DLGAP2: variants seen among roughly 807,000 people sequenced by gnomAD.
DLGAP2 encodes disks large-associated protein 2.
In DLGAP2, 26 loss-of-function variants were observed where a neutral mutation model predicts 100.3. That is an observed-to-expected ratio of 0.26 (90% CI 0.19 to 0.36). The LOEUF is 0.36. Among genes scored for constraint, DLGAP2 ranks in the 10% least tolerant of loss-of-function variants. DLGAP2 has a pLI of 1.00. For synonymous variants in DLGAP2, 886 were observed against 630.1 expected, an observed-to-expected ratio of 1.41 and a Z score of -6.08; for missense variants, 1,858 against 1,453.2, an observed-to-expected ratio of 1.28 and a Z score of -4.53.
At chr8:867,068 C>T (rs988986495) in intron 1 of DLGAP2, among the ~76,000 whole-genome samples, 2 of 152,216 alleles carry the variant, frequency 1.3e-5, no homozygotes, top group African/African-American at 4.8e-5. Flanking sequence ...CACCTGTCAG[C>T]TGTCTAACCC....
intron 2 of DLGAP2, among the ~76,000 whole-genome samples, chr8:971,393 G>A (rs1179847496): frequency 6.6e-6 from 1 of 152,164 alleles, no homozygotes; most frequent in East Asian, 1.9e-4. Flanking sequence ...AGATCCCTGG[G>A]TAAATTGAGG....
Position 1,678,359 on chromosome 8 carries a change from C to T in DLGAP2, c.2434C>T (p.Pro812Ser). 6.2e-7 allele frequency: 1 copy of T among 1,614,018 alleles called. No individual in the cohort carries two copies. The highest frequency in any genetic ancestry group is 2.2e-5 in the East Asian group (1 of 44,882). Residue 812 changes from proline (P) to serine (S), a missense_variant, in exon 12 of 15, where the codon CCC becomes TCC. Physicochemically the swap from Pro to Ser is moderately conservative, Grantham distance 74. Transcript: ENST00000637795. The stretch of plus-strand genomic sequence containing the variant: ...CCAGCGGCACTCCGAGCCCAGCACC[C>T]CCACCCAGTACAGCGCGGTGAGAAC... Reference protein sequence around the residue: ...SFQRHSEPSTPTQYSAVRTVR... With the variant: ...SFQRHSEPSTSTQYSAVRTVR...
At chr8:815,616 A>G (rs918175069) in intron 1 of DLGAP2, among the ~76,000 whole-genome samples, 33 of 152,360 alleles carry the variant, frequency 2.2e-4, no homozygotes, top group African/African-American at 7.9e-4. Context: ...CTTGGTAAAG[A>G]AAATATAAAT....
chr8:1,535,503 T>G (rs1186505795), intron 4 of DLGAP2, among the ~76,000 whole-genome samples: 1 of 152,214 alleles, frequency 6.6e-6, no homozygotes. Context: ...CAGATGGGCA[T>G]GCCTAGCACA....
At chr8:1,472,429 A>G (rs1759086172) in intron 3 of DLGAP2, among the ~76,000 whole-genome samples, 1 of 152,088 alleles carries the variant, frequency 6.6e-6, no homozygotes, top group African/African-American at 2.4e-5. Flanking sequence ...TTTTAGTGAG[A>G]ATGACATGGT....
chr8:1,652,024 G>A (rs1798178769), intron 8 of DLGAP2, among the ~76,000 whole-genome samples: 1 of 152,194 alleles, frequency 6.6e-6, no homozygotes, highest in Non-Finnish European at 1.5e-5. Context: ...GCCCAGTGAG[G>A]CTTTCTCTTT....
At chr8:965,146 T>A (rs1453330040) in intron 2 of DLGAP2, among the ~76,000 whole-genome samples, 312 of 103,792 alleles carry the variant, frequency 3.0e-3, no homozygotes, top group Middle Eastern at 0.023. Flanking sequence ...GCTGTTCACC[T>A]CACAGGGCTC....
intron 1 of DLGAP2, chr8:739,264 G>C (rs1297365418): frequency 6.6e-6 from 1 of 152,172 alleles, no homozygotes; most frequent in Non-Finnish European, 1.5e-5. Context: ...CCCCCGGAGA[G>C]GTCGGGCCTG....
Position 1,353,011 on chromosome 8 carries a change from G to A in DLGAP2, c.106+94128G>A, listed in dbSNP as rs532018435. Reference sequence around the variant, plus strand: ...ATTGAAGGCAGATTTTGACTCAGCCGAAGGGAGAACCTGCTAGGATTCAGC... The same window carrying A: ...ATTGAAGGCAGATTTTGACTCAGCCAAAGGGAGAACCTGCTAGGATTCAGC... On this transcript the variant is annotated intron_variant, in intron 3 of 14. Coordinates refer to ENST00000637795, the MANE Select transcript of DLGAP2 (RefSeq NM_001346810.2). Among the ~76,000 whole-genome samples, 12 of 152,302 alleles carry A rather than the reference G, an allele frequency of 7.9e-5. No individual in the cohort carries two copies. In the East Asian group the frequency reaches 1.4e-3, roughly 17 times the overall value.
chr8:915,343 C>T lies in DLGAP2; in HGVS notation c.73+7377C>T, dbSNP rs575192912. 6.6e-5 allele frequency among the ~76,000 whole-genome samples: 10 copies of T among 152,202 alleles called. No homozygotes were observed. In the East Asian group the frequency reaches 1.9e-3, roughly 30 times the overall value. On this transcript the variant is annotated intron_variant, in intron 2 of 14. Transcript: ENST00000637795. ...TGGGTGGATCACAAGGTCAGGAGAT[C>T]GGGACCGTCCTGGCTAACACGGTGA...
chr8:1,628,942 T>C lies in DLGAP2; in HGVS notation c.1590+2055T>C, dbSNP rs564304845. Among the ~76,000 whole-genome samples, 150 of 152,374 alleles carry C rather than the reference T, an allele frequency of 9.8e-4. 1 individual carries two copies. Among genetic ancestry groups the C allele is most frequent in the African/African-American group, 3.3e-3 (139 of 41,586 alleles). On this transcript the variant is annotated intron_variant, in intron 7 of 14. Coordinates refer to ENST00000637795, the MANE Select transcript of DLGAP2 (RefSeq NM_001346810.2). ...GAAGTACACAGTCAATTTTAGATGC[T>C]ATTAGGCAAAGAGTCCAGCATATAC...
At chr8:1,184,773 G>T (rs927445138) in intron 2 of DLGAP2, among the ~76,000 whole-genome samples, 1 of 152,218 alleles carries the variant, frequency 6.6e-6, no homozygotes, top group Admixed American at 6.5e-5. Flanking sequence ...TGGTGACGAT[G>T]ACTGGTTGGT....
At chr8:1,116,639 A>G (rs960003510) in intron 2 of DLGAP2, among the ~76,000 whole-genome samples, 8 of 152,126 alleles carry the variant, frequency 5.3e-5, no homozygotes, top group African/African-American at 1.7e-4. Context: ...CTACAAAAAA[A>G]TAAAAACAGT....
intron 6 of DLGAP2, among the ~76,000 whole-genome samples, chr8:1,612,541 G>T (rs2130734353): frequency 7.7e-6 from 1 of 129,406 alleles, no homozygotes; most frequent in South Asian, 3.0e-4. Context: ...ATTGACAAAT[G>T]GGATCTAATT....
chr8:1,154,515 G>C (rs1005278928), intron 2 of DLGAP2, among the ~76,000 whole-genome samples: 21 of 152,194 alleles, frequency 1.4e-4, no homozygotes, highest in African/African-American at 5.1e-4. Context: ...TTGATCAGAA[G>C]AAAACTGAGA....
At chr8:1,540,604 T>A (rs991252457) in intron 4 of DLGAP2, among the ~76,000 whole-genome samples, 3 of 152,106 alleles carry the variant, frequency 2.0e-5, no homozygotes, top group Non-Finnish European at 2.9e-5. Flanking sequence ...TGGAGTCGGG[T>A]GTGGCTGCAC....
chr8:1,428,076 G>C (rs903387577), intron 3 of DLGAP2, among the ~76,000 whole-genome samples: 18 of 151,684 alleles, frequency 1.2e-4, no homozygotes, highest in African/African-American at 4.1e-4. Flanking sequence ...AGCAAAATGA[G>C]CTAGAAAAAG....
At chr8:1,415,578 C>T (rs1231221319) in intron 3 of DLGAP2, among the ~76,000 whole-genome samples, 1 of 152,146 alleles carries the variant, frequency 6.6e-6, no homozygotes, top group Non-Finnish European at 1.5e-5. Context: ...CTTTCTGTTC[C>T]TGTGGTAATT....
rs571002184 is a variant in DLGAP2, at chr8:1,629,139, A to G, written c.1590+2252A>G. ...TTTTGCCGCAGACTTTAAATTCCTC[A>G]TGAGGTAGAGTCTATTCATTTTGCA... On this transcript the variant is annotated intron_variant, in intron 7 of 14. Coordinates refer to ENST00000637795, the MANE Select transcript of DLGAP2 (RefSeq NM_001346810.2). 5.3e-5 allele frequency among the ~76,000 whole-genome samples: 8 copies of G among 152,280 alleles called. No homozygotes were observed. The South Asian group carries it at 1.7e-3, about 32-fold the overall frequency.
Sources: gnomAD v4.1 joint callset for allele counts (sites outside exome capture counted in the v4.1 genomes callset) on GRCh38, gnomAD v4.1.1 for gene constraint, MANE v1.5 for transcripts, NCBI Gene and HGNC (gene_info 2026-07-23, HGNC 2026-07-21) for gene names.